GTF3C1: variants seen among roughly 807,000 people sequenced by gnomAD.
GTF3C1 encodes the protein general transcription factor IIIC subunit 1.
Under a neutral mutation model 226.7 loss-of-function variants are expected in GTF3C1, and 57 were observed. That is an observed-to-expected ratio of 0.25 (90% confidence interval 0.20 to 0.31). The LOEUF is 0.31. Among genes scored for constraint, GTF3C1 ranks in the 10% least tolerant of loss-of-function variants. The pLI, the probability that GTF3C1 is intolerant of heterozygous loss-of-function variation, is 1.00. For synonymous variants in GTF3C1, 1,090 were observed against 1,084.8 expected (o/e 1.00, Z -0.09); for missense variants, 2,217 against 2,776.1 (o/e 0.80, Z 4.53).
At chr16:27,517,265 AG>A (rs1228283421) in intron 6 of GTF3C1, among the ~76,000 whole-genome samples, 2 of 152,232 alleles carry the variant, frequency 1.3e-5, no homozygotes, top group African/African-American at 4.8e-5. Context: ...TACCAGGCTC[AG>A]AATTTCAGTT....
intron 32 of GTF3C1, 143 bp from the exon 33 acceptor site, chr16:27,465,683 G>T (rs1166657277): frequency 3.4e-5 from 22 of 656,168 alleles, no homozygotes; most frequent in Non-Finnish European, 5.7e-5. Flanking sequence ...CTGCTGGGTG[G>T]ACACACTGGG....
chr16:27,464,795 G>A lies in GTF3C1; in HGVS notation c.5397C>T (p.Asn1799=), dbSNP rs1448789762. The change falls in exon 34 of 37, where the codon AAC becomes AAT. Residue 1799 remains asparagine, a synonymous_variant. Transcript: ENST00000356183. ...EQHQVLEVGG[N]TARLVAMGSA... is the part of the protein sequence containing the mutation. Reference sequence around the variant, plus strand: ...AGCCCATGGCTACCAGGCGCGCAGTGTTGCCACCGACCTCCAGCACCTGAT... The same window carrying A: ...AGCCCATGGCTACCAGGCGCGCAGTATTGCCACCGACCTCCAGCACCTGAT... The A allele has an allele frequency of 6.5e-7, 1 of 1,532,374 alleles. No homozygotes were observed. Among genetic ancestry groups the A allele is most frequent in the Non-Finnish European group, 8.7e-7 (1 of 1,151,346 alleles). The allele number at this position is 1,532,374 out of a possible 1,614,324, so 94.9% of individuals were successfully genotyped here.
chr16:27,485,861 C>A, intron 24 of GTF3C1, 136 bp downstream of exon 24: 1 of 577,056 alleles, frequency 1.7e-6, no homozygotes, highest in Non-Finnish European at 3.0e-6. Context: ...GTGTAGGATT[C>A]TGGGCAATGC....
intron 24 of GTF3C1, 30 bp from the exon 25 acceptor site, chr16:27,484,383 G>A: frequency 6.4e-7 from 1 of 1,557,980 alleles, no homozygotes; most frequent in Non-Finnish European, 8.9e-7. Context: ...AAGACAAAAA[G>A]TCAGTATCCT....
chr16:27,497,039 T>C (rs2088329780), intron 14 of GTF3C1, among the ~76,000 whole-genome samples: 1 of 152,208 alleles, frequency 6.6e-6, no homozygotes. Context: ...CTGGGTCTAG[T>C]GTGTCCTGGA....
chr16:27,539,791 T>C (rs2089055487), intron 2 of GTF3C1, among the ~76,000 whole-genome samples: 1 of 152,212 alleles, frequency 6.6e-6, no homozygotes, highest in Non-Finnish European at 1.5e-5. Context: ...GGGTTAGTTA[T>C]CTCAGGAGTG....
intron 26 of GTF3C1, 35 bp from the exon 27 acceptor site, chr16:27,481,226 A>C: frequency 6.4e-7 from 1 of 1,574,426 alleles, no homozygotes; most frequent in Non-Finnish European, 8.7e-7. Context: ...TTAAGCCCTT[A>C]CTCTTCCTAA....
At chr16:27,529,057 T>C (rs1226527368) in intron 5 of GTF3C1, among the ~76,000 whole-genome samples, 2 of 152,076 alleles carry the variant, frequency 1.3e-5, no homozygotes, top group African/African-American at 2.4e-5. Flanking sequence ...TTTTTAACCA[T>C]GTAAGTGTAT....
chr16:27,493,175 C>G (rs1280966719), intron 17 of GTF3C1, 24 bp downstream of exon 17: 2 of 1,306,004 alleles, frequency 1.5e-6, no homozygotes, highest in Non-Finnish European at 2.2e-6. Context: ...TGCGACTACT[C>G]TGGGTCAGGT....
intron 6 of GTF3C1, among the ~76,000 whole-genome samples, chr16:27,514,671 C>G (rs538453991): frequency 6.6e-6 from 1 of 152,170 alleles, no homozygotes; most frequent in Non-Finnish European, 1.5e-5. Flanking sequence ...CTAGGCTCCC[C>G]GTGTACCCTA....
At chr16:27,542,529 C>A (rs1042776803) in intron 2 of GTF3C1, among the ~76,000 whole-genome samples, 5 of 151,624 alleles carry the variant, frequency 3.3e-5, no homozygotes. Context: ...CCATTGGACT[C>A]CAGCCTGGGC....
chr16:27,477,393 G>A (rs565714400), intron 28 of GTF3C1, among the ~76,000 whole-genome samples: 123 of 151,572 alleles, frequency 8.1e-4, no homozygotes, highest in African/African-American at 2.9e-3. Flanking sequence ...TGCAACCTCC[G>A]TTTCCCAGGA....
chr16:27,517,387 C>T (rs113885664), intron 6 of GTF3C1, among the ~76,000 whole-genome samples: 26 of 152,176 alleles, frequency 1.7e-4, no homozygotes, highest in Admixed American at 6.5e-4. Flanking sequence ...CCCGAATAAG[C>T]GCACGTCATC....
At position 27,469,486 on chromosome 16, in the gene GTF3C1, C is replaced by T; in HGVS notation, c.4879G>A (p.Gly1627Arg). The T allele has an allele frequency of 6.2e-7, 1 of 1,614,154 alleles. No individual in the cohort carries two copies. Among genetic ancestry groups the T allele is most frequent in the East Asian group, 2.2e-5 (1 of 44,882 alleles). ...DEEDDLDEGVGGKRRSMEVKP... is the reference protein window; with the variant it reads ...DEEDDLDEGVRGKRRSMEVKP... ...ACCTCCATGCTCCGGCGCTTGCCCC[C>T]TACACCTTCGTCCAAGTCATCCTCT... Residue 1627 changes from glycine (G) to arginine (R), a missense_variant, in exon 32 of 37, where the codon GGG becomes AGG. Physicochemically the swap from Gly to Arg is moderately radical, Grantham distance 125. Transcript: ENST00000356183. This position sits in a 1 kb window ranked among gnomAD's most constrained non-coding sequence, Gnocchi z 4.5.
chr16:27,539,482 T>G (rs999384047), intron 2 of GTF3C1, among the ~76,000 whole-genome samples: 1 of 152,166 alleles, frequency 6.6e-6, no homozygotes. Context: ...TCAATCCAAC[T>G]GACATCTTGA....
chr16:27,548,089 T>C (rs1006132297), intron 1 of GTF3C1, among the ~76,000 whole-genome samples: 3 of 152,038 alleles, frequency 2.0e-5, no homozygotes, highest in Non-Finnish European at 2.9e-5. Flanking sequence ...TCTCCTAAGG[T>C]TTCTGTAAAA....
At chr16:27,493,755 G>T (rs115308429) in intron 16 of GTF3C1, among the ~76,000 whole-genome samples, 324 of 152,246 alleles carry the variant, frequency 2.1e-3, no homozygotes, top group African/African-American at 7.5e-3. Context: ...ACAGTAGTAA[G>T]AAAGTGGAAT....
At position 27,538,335 on chromosome 16, in the gene GTF3C1, G is replaced by A. The variant is rs367815308; in HGVS notation, c.453C>T (p.Ile151=). The A allele has an allele frequency of 3.3e-5, 51 of 1,557,254 alleles. 1 individual carries two copies. Among genetic ancestry groups the A allele is most frequent in the South Asian group, 2.8e-4 (23 of 83,612 alleles). Residue 151 remains isoleucine, a synonymous_variant, in exon 3 of 37, where the codon ATC becomes ATT. Transcript: ENST00000356183. ...AFDRWGKKLI[I]VASQAMRYRA... is the part of the protein sequence containing the mutation. ...TGTACCGCATGGCCTGGGAGGCAAC[G>A]ATGATCAGTTTCTTCCCCCACCTGC...
At chr16:27,486,208 G>C in intron 23 of GTF3C1, 54 bp from the exon 24 acceptor site, 1 of 1,097,598 alleles carries the variant, frequency 9.1e-7, no homozygotes, top group Non-Finnish European at 1.4e-6. Flanking sequence ...GTTTGGAGCT[G>C]TCACTCTGCA....
Sources: allele counts gnomAD v4.1 joint callset (sites outside exome capture counted in the v4.1 genomes callset), GRCh38; gene constraint gnomAD v4.1.1; non-coding constraint Gnocchi (gnomAD v3.1); transcripts MANE v1.5; gene names NCBI Gene and HGNC (gene_info 2026-07-23, HGNC 2026-07-21).